Variants in MAN1B1 observed in about 807,000 individuals in gnomAD.
MAN1B1 encodes the protein endoplasmic reticulum mannosyl-oligosaccharide 1,2-alpha-mannosidase.
Under a neutral mutation model 75.5 loss-of-function variants are expected in MAN1B1, and 66 were observed. The ratio of observed to expected loss-of-function variants is 0.87; its 90% confidence interval spans 0.72 to 1.07. MAN1B1 has a LOEUF of 1.07. Among genes scored for constraint, MAN1B1 ranks in the 50% least tolerant of loss-of-function variants. The probability of loss-of-function intolerance (pLI) is 0.00; values close to 1 mark genes in which losing one functional copy is unlikely to be tolerated. For missense variants in MAN1B1, 973 were observed against 912.5 expected (o/e 1.07, Z -0.85); for synonymous variants, 453 against 382.8 (o/e 1.18, Z -2.14).
At chr9:137,092,575 C>G (rs1379496632) in intron 3 of MAN1B1, among the ~76,000 whole-genome samples, 1 of 152,130 alleles carries the variant, frequency 6.6e-6, no homozygotes, top group South Asian at 2.1e-4. Context: ...TCTGTTGATT[C>G]TTTCTTCATT....
chr9:137,102,776 G>A (rs1830900532), intron 8 of MAN1B1: 1 of 452,950 alleles, frequency 2.2e-6, no homozygotes, highest in African/African-American at 2.0e-5. Flanking sequence ...AGGCGTGCAG[G>A]TCGGTGGTGT....
intron 3 of MAN1B1, among the ~76,000 whole-genome samples, chr9:137,093,050 A>G (rs922183185): frequency 1.3e-5 from 2 of 152,190 alleles, no homozygotes; most frequent in Non-Finnish European, 2.9e-5. Flanking sequence ...GTTTTAGAGA[A>G]CTTTGCTATA....
intron 2 of MAN1B1, chr9:137,088,409 A>G (rs1313791405): frequency 6.4e-7 from 1 of 1,574,092 alleles, no homozygotes; most frequent in Non-Finnish European, 8.6e-7. Flanking sequence ...GTAAGTACTG[A>G]TATGTCCAGC....
chr9:137,104,419 G>C, intron 8 of MAN1B1: 1 of 292,288 alleles, frequency 3.4e-6, no homozygotes, highest in Non-Finnish European at 6.6e-6. Flanking sequence ...GTTTTTATTA[G>C]AGACAGGGTT....
chr9:137,099,665 G>A (rs747794937), intron 5 of MAN1B1, 31 bp from the exon 6 acceptor site: 30 of 1,612,388 alleles, frequency 1.9e-5, no homozygotes, highest in East Asian at 2.2e-5. Flanking sequence ...GACCACGTCC[G>A]CCATGGCCTG....
At chr9:137,099,931 G>T in intron 6 of MAN1B1, 50 bp downstream of exon 6, 1 of 1,599,218 alleles carries the variant, frequency 6.3e-7, no homozygotes, top group Non-Finnish European at 8.6e-7. Flanking sequence ...TGGGCCTCGT[G>T]TGCTGAGGCA....
chr9:137,107,388 C>T lies in MAN1B1; in HGVS notation c.1705C>T (p.Pro569Ser). 3.1e-6 allele frequency: 5 copies of T among 1,613,418 alleles called. No homozygotes were observed. The highest frequency in any genetic ancestry group is 3.4e-6 in the Non-Finnish European group (4 of 1,179,998). ...MNRQMETGLSPEIVHFNLYPQ... is the reference protein window; with the variant it reads ...MNRQMETGLSSEIVHFNLYPQ... ...CCGGCAGATGGAGACGGGGCTGAGT[C>T]CCGAGATCGTGCACTTCAACCTTTA... Residue 569 changes from proline to serine, a missense_variant, in exon 11 of 13, where the codon CCC (proline) becomes TCC (serine). Pro to Ser is a moderately conservative substitution (Grantham distance 74, BLOSUM62 -1). Transcript: ENST00000371589.
At chr9:137,100,010 T>C (rs1413419533) in intron 6 of MAN1B1, 129 bp downstream of exon 6, 2 of 1,092,468 alleles carry the variant, frequency 1.8e-6, no homozygotes, top group South Asian at 1.3e-5. Flanking sequence ...TTCTCCTGGG[T>C]GCGGGAGTGG....
intron 1 of MAN1B1, 164 bp downstream of exon 1, chr9:137,087,382 C>T (rs1410914792): frequency 1.1e-6 from 1 of 891,024 alleles, no homozygotes; most frequent in Non-Finnish European, 1.8e-6. Flanking sequence ...CTGGTTGGGG[C>T]AGCCGTGGGC....
Position 137,109,101 on chromosome 9 carries a change from G to A in MAN1B1, c.*510G>A. The A allele has an allele frequency of 2.2e-6, 1 of 455,446 alleles. No individual in the cohort carries two copies. The highest frequency in any genetic ancestry group is 2.3e-5 in the Admixed American group (1 of 42,586). 28.2% of individuals were successfully genotyped at this position (455,446 alleles called of 1,614,324 possible). A position where few individuals can be genotyped will look rare whatever the true frequency, so the allele number is the denominator to read the frequency against. On this transcript the variant is annotated 3_prime_UTR_variant, in exon 13 of 13. Transcript: ENST00000371589. ...GGCCGCCCCGCAGGGGGCTTGGAGG[G>A]CTGGACGGCAAGTCCGTCTAGCTCA...
At chr9:137,108,143 C>T (rs998194750) in intron 12 of MAN1B1, 2 of 611,256 alleles carry the variant, frequency 3.3e-6, no homozygotes, top group Non-Finnish European at 2.9e-6. Context: ...AACTGTGAGG[C>T]CCCCTGAGCC....
intron 3 of MAN1B1, chr9:137,089,345 A>G (rs1337255271): frequency 7.9e-6 from 3 of 378,340 alleles, no homozygotes; most frequent in East Asian, 6.5e-5. Context: ...TGTACATCCT[A>G]TGTGGAAAAG....
intron 3 of MAN1B1, among the ~76,000 whole-genome samples, 180 bp from the exon 4 acceptor site, chr9:137,096,057 C>G (rs562006778): frequency 6.6e-6 from 1 of 152,330 alleles, no homozygotes; most frequent in African/African-American, 2.4e-5. Context: ...GCAGTGTCCC[C>G]AGGCTCCTAA....
In MAN1B1 at chr9:137,101,544, G is replaced by T. The variant is rs1830811115; in HGVS notation, c.1126G>T (p.Asp376Tyr). The change falls in exon 8 of 13, where the codon GAT becomes TAT. Residue 376 changes from aspartate (D) to tyrosine (Y), a missense_variant. Transcript: ENST00000371589. Reference protein sequence around the residue: ...FRTPSKIPYSDVNIGTGVAHP... With the variant: ...FRTPSKIPYSYVNIGTGVAHP... ...AACACCATCCAAGATTCCTTACTCGGATGTGAACATCGGTACTGGAGTTGC... is the reference window on the plus strand; with the variant it reads ...AACACCATCCAAGATTCCTTACTCGTATGTGAACATCGGTACTGGAGTTGC... 6.2e-7 allele frequency: 1 copy of T among 1,613,806 alleles called. No individual in the cohort carries two copies. Among genetic ancestry groups the T allele is most frequent in the African/African-American group, 1.3e-5 (1 of 74,938 alleles).
At position 137,101,098 on chromosome 9, in the gene MAN1B1, G is replaced by A. The variant is rs755283658; in HGVS notation, c.1010G>A (p.Gly337Glu). The A allele has an allele frequency of 6.2e-7, 1 of 1,614,160 alleles. No individual in the cohort carries two copies. The highest frequency in any genetic ancestry group is 1.1e-5 in the South Asian group (1 of 91,078). ...TTTGAGAGCACGATCCGCATCCTGG[G>A]GGGGCTCCTGAGTGCCTACCACCTG... is the stretch of plus-strand genomic sequence containing the variant. ...NLFESTIRIL[G>E]GLLSAYHLSG... Residue 337 changes from glycine (G) to glutamate (E), a missense_variant, in exon 7 of 13, where the codon GGG becomes GAG. Transcript: ENST00000371589.
intron 5 of MAN1B1, 118 bp downstream of exon 5, chr9:137,098,055 T>G: frequency 2.7e-6 from 2 of 740,384 alleles, no homozygotes; most frequent in South Asian, 1.6e-5. Flanking sequence ...ACCTTGCCCT[T>G]CAGCATCCCC....
Position 137,101,472 on chromosome 9 carries a change from C to T in MAN1B1, c.1066-12C>T. The T allele has an allele frequency of 2.5e-6, 4 of 1,613,558 alleles. No individual in the cohort carries two copies. Among genetic ancestry groups the T allele is most frequent in the Non-Finnish European group, 3.4e-6 (4 of 1,179,898 alleles). On this transcript the variant is annotated splice_polypyrimidine_tract_variant and intron_variant, in intron 7 of 12. Coordinates refer to ENST00000371589, the MANE Select transcript of MAN1B1 (RefSeq NM_016219.5). ...ACCTGAACGTTGGTTCTCTACTCTG[C>T]TCATATACCAGGAGGATTTTGGAAA... is the stretch of plus-strand genomic sequence containing the variant.
Position 137,097,949 on chromosome 9 carries a change from C to T in MAN1B1, c.730+12C>T. Reference sequence around the variant, plus strand: ...ACAGGGCACACCAGGTGAGGCCACACCTGCACCCCTTCCTCCCCGGGCGCT... The same window carrying T: ...ACAGGGCACACCAGGTGAGGCCACATCTGCACCCCTTCCTCCCCGGGCGCT... On this transcript the variant is annotated intron_variant, in intron 5 of 12. Coordinates refer to ENST00000371589, the MANE Select transcript of MAN1B1 (RefSeq NM_016219.5). 6.5e-7 allele frequency: 1 copy of T among 1,541,832 alleles called. No homozygotes were observed. The highest frequency in any genetic ancestry group is 8.8e-7 in the Non-Finnish European group (1 of 1,138,532).
At chr9:137,098,411 A>ATTTC (rs1830715209) in intron 5 of MAN1B1, among the ~76,000 whole-genome samples, 1 of 152,204 alleles carries the variant, frequency 6.6e-6, no homozygotes, top group Non-Finnish European at 1.5e-5. Context: ...CCAGACTGAA[A>ATTTC]AGCAGGGCTG....
Sources: gnomAD v4.1 joint callset for allele counts (sites outside exome capture counted in the v4.1 genomes callset) on GRCh38, gnomAD v4.1.1 for gene constraint, MANE v1.5 for transcripts, NCBI Gene and HGNC (gene_info 2026-07-23, HGNC 2026-07-21) for gene names.